EDEM2: variants seen among roughly 807,000 people sequenced by gnomAD.
EDEM2 encodes the protein ER degradation-enhancing alpha-mannosidase-like protein 2.
A neutral mutation model predicts 64.8 loss-of-function variants in EDEM2; 39 were observed. The ratio of observed to expected loss-of-function variants is 0.60; its 90% CI spans 0.47 to 0.79. The LOEUF is 0.79. EDEM2 is among the 30% of genes least tolerant of loss of function. The pLI is 0.00. For missense variants in EDEM2, 609 were observed against 731.3 expected, an observed-to-expected ratio of 0.83 and a Z score of 1.93; for synonymous variants, 296 against 291.5, an observed-to-expected ratio of 1.02 and a Z score of -0.16.
At position 35,131,762 on chromosome 20, in the gene EDEM2, G is replaced by C; in HGVS notation, c.724C>G (p.Leu242Val). 6.2e-7 allele frequency: 1 copy of C among 1,614,100 alleles called. No homozygotes were observed. The highest frequency in any genetic ancestry group is 2.2e-5 in the East Asian group (1 of 44,872). The change falls in exon 7 of 11, where the codon CTC (leucine) becomes GTC (valine). Residue 242 changes from leucine to valine, a missense_variant. Coordinates refer to ENST00000374492, the MANE Select transcript of EDEM2 (RefSeq NM_018217.3). The stretch of plus-strand genomic sequence containing the variant: ...TCCTGGGCCACCCACTTGCCAGTGA[G>C]CACATCAATGTGGTTGCCGACCTGA... ...IGLVGNHIDV[L>V]TGKWVAQDAG...
intron 5 of EDEM2, among the ~76,000 whole-genome samples, chr20:35,137,402 G>A (rs1403922617): frequency 6.6e-6 from 1 of 152,190 alleles, no homozygotes; most frequent in South Asian, 2.1e-4. Context: ...CTGGGCGACA[G>A]AACAAGACTC....
intron 7 of EDEM2, among the ~76,000 whole-genome samples, chr20:35,130,955 C>T (rs1289682488): frequency 6.6e-6 from 1 of 152,112 alleles, no homozygotes; most frequent in African/African-American, 2.4e-5. Flanking sequence ...TTGATGAGAG[C>T]TAACTGCAAG....
intron 10 of EDEM2, chr20:35,118,394 C>T (rs2085331595): frequency 3.0e-6 from 2 of 670,442 alleles, no homozygotes; most frequent in Non-Finnish European, 4.9e-6. Flanking sequence ...TCTAGCTCTA[C>T]CTCTACTAGC....
At chr20:35,128,978 T>C (rs2085472691) in intron 7 of EDEM2, among the ~76,000 whole-genome samples, 1 of 139,296 alleles carries the variant, frequency 7.2e-6, no homozygotes, top group Admixed American at 7.1e-5. Flanking sequence ...TAATTTATTA[T>C]TGGAGGCCAG....
At chr20:35,130,826 C>T (rs7261823) in intron 7 of EDEM2, among the ~76,000 whole-genome samples, 13,899 of 152,046 alleles carry the variant, frequency 0.091, 2,124 homozygotes, top group African/African-American at 0.32. Context: ...AAGGGCCTGG[C>T]GGGTAAGATG....
intron 6 of EDEM2, among the ~76,000 whole-genome samples, chr20:35,133,894 C>A (rs531874974): frequency 6.6e-6 from 1 of 152,300 alleles, no homozygotes; most frequent in African/African-American, 2.4e-5. Flanking sequence ...GTCAGAGTGA[C>A]TCAGCAAAGT....
rs527248500 is a variant in EDEM2 at position 35,115,898 on chromosome 20, G to A, written c.1272C>T (p.Arg424=). 4.8e-5 allele frequency: 78 copies of A among 1,614,168 alleles called. No individual in the cohort carries two copies. In the East Asian group the frequency reaches 1.4e-3, roughly 30 times the overall value. The part of the protein sequence containing the change: ...KDLRDHKLDN[R]MESFFLAETV... ...TCTCGGCCAGGAAGAACGACTCCAT[G>A]CGGTTGTCCAGCTTGTGGTCTCGCA... Residue 424 remains arginine, a synonymous_variant, in exon 11 of 11, where the codon CGC becomes CGT. Coordinates refer to ENST00000374492, the MANE Select transcript of EDEM2 (RefSeq NM_018217.3).
rs985072167 is a variant in EDEM2, at chr20:35,132,776, G to A, written c.703-993C>T. ...TGGTCTCGAACTCCCGACCTCAGGT[G>A]ATACGCCTGCCTTGGCCTCCCAAAG... On this transcript the variant is annotated intron_variant, in intron 6 of 10. Transcript: ENST00000374492. Among the ~76,000 whole-genome samples the A allele has an allele frequency of 9.8e-4, 150 of 152,336 alleles. 1 individual carries two copies. The highest frequency in any genetic ancestry group is 1.6e-4 in the Non-Finnish European group (11 of 68,034).
intron 4 of EDEM2, among the ~76,000 whole-genome samples, chr20:35,141,409 T>A (rs1431404213): frequency 1.3e-5 from 2 of 152,200 alleles, no homozygotes; most frequent in African/African-American, 2.4e-5. Flanking sequence ...AGAATGACCT[T>A]CATTTACAGA....
At chr20:35,139,785 T>A (rs1190798874) in intron 4 of EDEM2, among the ~76,000 whole-genome samples, 1 of 152,052 alleles carries the variant, frequency 6.6e-6, no homozygotes, top group African/African-American at 2.4e-5. Context: ...TTATTAATGC[T>A]GGGTGATGGG....
chr20:35,122,897 G>A (rs2085386192), intron 9 of EDEM2, among the ~76,000 whole-genome samples: 1 of 152,148 alleles, frequency 6.6e-6, no homozygotes, highest in African/African-American at 2.4e-5. Flanking sequence ...CAATTCAGGT[G>A]GGAAAGTGGG....
chr20:35,139,668 AAAAG>A (rs901893052), intron 4 of EDEM2, among the ~76,000 whole-genome samples: 3 of 151,150 alleles, frequency 2.0e-5, no homozygotes, highest in Non-Finnish European at 4.4e-5. Flanking sequence ...AAAAAAAAAG[AAAAG>A]AAAGAAAGAA....
intron 2 of EDEM2, among the ~76,000 whole-genome samples, chr20:35,145,863 G>A (rs1203568408): frequency 3.3e-5 from 5 of 152,084 alleles, no homozygotes; most frequent in Admixed American, 3.3e-4. Flanking sequence ...TTAGCCGGGT[G>A]TGGTGGTGGG....
chr20:35,135,862 C>G (rs2085569117), intron 5 of EDEM2, among the ~76,000 whole-genome samples: 1 of 152,164 alleles, frequency 6.6e-6, no homozygotes, highest in African/African-American at 2.4e-5. Flanking sequence ...CAGAGAGAGT[C>G]AAACAGAGCT....
At chr20:35,119,145 TGA>T (rs1044513828) in intron 9 of EDEM2, among the ~76,000 whole-genome samples, 6 of 152,210 alleles carry the variant, frequency 3.9e-5, no homozygotes, top group African/African-American at 1.2e-4. Flanking sequence ...GCCCAGAACA[TGA>T]GAGAGAAATA....
Position 35,146,851 on chromosome 20 carries a change from G to A in EDEM2, c.192C>T (p.Thr64=), listed in dbSNP as rs771573612. Reference sequence around the variant, plus strand: ...TGCCCCAGGTGTCGTGCCCGTCACAGGTGAGAGGTCGCAGCTCATCGAAGG... The same window carrying A: ...TGCCCCAGGTGTCGTGCCCGTCACAAGTGAGAGGTCGCAGCTCATCGAAGG... ...AFPFDELRPL[T]CDGHDTWGSF... The change falls in exon 2 of 11, where the codon ACC becomes ACT. Residue 64 remains threonine, a synonymous_variant. Coordinates refer to ENST00000374492, the MANE Select transcript of EDEM2 (RefSeq NM_018217.3). The A allele has an allele frequency of 5.6e-6, 9 of 1,614,016 alleles. No individual in the cohort carries two copies. Among genetic ancestry groups the A allele is most frequent in the Admixed American group, 5.0e-5 (3 of 60,002 alleles).
intron 2 of EDEM2, among the ~76,000 whole-genome samples, chr20:35,145,705 T>C (rs935340487): frequency 1.3e-5 from 2 of 152,140 alleles, no homozygotes; most frequent in Admixed American, 1.3e-4. Flanking sequence ...ACTGTGATGG[T>C]GGTCACTTCA....
rs185978276 is a variant in EDEM2 at position 35,129,769 on chromosome 20, G to A, written c.844+1873C>T. On this transcript the variant is annotated intron_variant, in intron 7 of 10. Coordinates refer to ENST00000374492, the MANE Select transcript of EDEM2 (RefSeq NM_018217.3). Reference sequence around the variant, plus strand: ...TCATGTGCCCTTTTATACTGTATTTGTACTGTACTTTTTCTATGTTTATAT... The same window carrying A: ...TCATGTGCCCTTTTATACTGTATTTATACTGTACTTTTTCTATGTTTATAT... Among the ~76,000 whole-genome samples, 124 of 152,126 alleles carry A rather than the reference G, an allele frequency of 8.2e-4. 3 individuals are homozygous for A. The highest frequency in any genetic ancestry group is 7.9e-3 in the Admixed American group (121 of 15,280).
intron 5 of EDEM2, among the ~76,000 whole-genome samples, chr20:35,136,309 G>A (rs755836846): frequency 6.6e-6 from 1 of 152,182 alleles, no homozygotes; most frequent in Non-Finnish European, 1.5e-5. Context: ...CAGCTAGGCA[G>A]AGTTTCCAGA....
Sources: allele counts gnomAD v4.1 joint callset (sites outside exome capture counted in the v4.1 genomes callset), GRCh38; gene constraint gnomAD v4.1.1; transcripts MANE v1.5; gene names NCBI Gene and HGNC (gene_info 2026-07-23, HGNC 2026-07-21).